The following DMD variants were observed in gnomAD, a reference collection of about 807,000 sequenced individuals.
DMD encodes the protein dystrophin, also known as mutant dystrophin.
A neutral mutation model predicts 330.1 loss-of-function variants in DMD; 63 were observed. The observed-to-expected ratio is 0.19, with a 90% CI of 0.16 to 0.24. DMD has a LOEUF of 0.24. Among genes scored for constraint, DMD ranks in the 10% least tolerant of loss-of-function variants. DMD has a pLI of 1.00. For synonymous variants in DMD, 1,223 were observed against 959.8 expected (o/e 1.27, Z -5.07); for missense variants, 3,344 against 2,684.1 (o/e 1.25, Z -5.43).
intron 29 of DMD, among the ~76,000 whole-genome samples, chrX:32,435,275 CATAT>C (rs57376337): frequency 0.028 from 2,228 of 79,611 alleles, 70 homozygotes; most frequent in African/African-American, 0.077. Context: ...TATATACTTA[CATAT>C]ATATATATAT....
At chrX:33,081,000 ACACACAC>A (rs2094921014) in intron 1 of DMD, among the ~76,000 whole-genome samples, 1 of 106,234 alleles carries the variant, frequency 9.4e-6, no homozygotes, top group African/African-American at 3.6e-5. Flanking sequence ...ACACACACAC[ACACACAC>A]AAAAACACAT....
chrX:32,265,698 C>A (rs1281100644), intron 43 of DMD, among the ~76,000 whole-genome samples: 1 of 112,569 alleles, frequency 8.9e-6, no homozygotes. Context: ...GACACAGAGT[C>A]AAAGGAGATT....
At chrX:31,246,361 T>C (rs1384689834) in intron 63 of DMD, among the ~76,000 whole-genome samples, 1 of 112,438 alleles carries the variant, frequency 8.9e-6, no homozygotes, top group African/African-American at 3.2e-5. Flanking sequence ...GCAGCAAGCA[T>C]TGATGCAGAA....
chrX:32,587,098 T>G (rs1262097900), intron 13 of DMD, among the ~76,000 whole-genome samples: 1 of 111,721 alleles, frequency 9.0e-6, no homozygotes, highest in African/African-American at 3.2e-5. Context: ...CTATAAAATT[T>G]TCTTTCTCAT....
intron 1 of DMD, among the ~76,000 whole-genome samples, chrX:33,108,529 G>T (rs1472542620): frequency 2.8e-5 from 3 of 105,791 alleles, no homozygotes; most frequent in Non-Finnish European, 5.8e-5. Context: ...GCCTGCCAAA[G>T]TGCTGGGATT....
intron 59 of DMD, among the ~76,000 whole-genome samples, chrX:31,467,074 T>C (rs2066907848): frequency 8.9e-6 from 1 of 112,072 alleles, no homozygotes. Flanking sequence ...GTTGAGACGA[T>C]GGGGTTTTCT....
At chrX:31,279,704 A>AT (rs2147873078) in intron 62 of DMD, among the ~76,000 whole-genome samples, 1 of 112,617 alleles carries the variant, frequency 8.9e-6, no homozygotes, top group East Asian at 2.8e-4. Context: ...CTACAGATGC[A>AT]TAAGCATGCC....
chrX:31,967,949 TA>T (rs2095366480), intron 45 of DMD, among the ~76,000 whole-genome samples: 1 of 111,833 alleles, frequency 8.9e-6, no homozygotes, highest in Admixed American at 9.5e-5. Context: ...GTCATATTCA[TA>T]GCTATTTTTA....
intron 1 of DMD, among the ~76,000 whole-genome samples, chrX:33,027,852 A>C (rs2147821418): frequency 8.9e-6 from 1 of 112,052 alleles, no homozygotes; most frequent in East Asian, 2.8e-4. Context: ...AACTCCAGAA[A>C]ATCAAAAGAG....
At chrX:32,545,090 C>A in intron 17 of DMD, 69 bp downstream of exon 17, 1 of 1,067,585 alleles carries the variant, frequency 9.4e-7, no homozygotes. Flanking sequence ...GTGAAAACAC[C>A]ACCAACAAAA....
intron 30 of DMD, among the ~76,000 whole-genome samples, chrX:32,411,276 G>A (rs749386198): frequency 3.6e-4 from 40 of 110,669 alleles, no homozygotes; most frequent in Non-Finnish European, 4.3e-4. Context: ...GATTACAGGC[G>A]CGTGCCAACA....
At chrX:32,349,216 T>A (rs931282638) in intron 37 of DMD, among the ~76,000 whole-genome samples, 1 of 111,569 alleles carries the variant, frequency 9.0e-6, no homozygotes, top group African/African-American at 3.2e-5. Context: ...ATCTCTTGAC[T>A]TTCTAAACAA....
intron 43 of DMD, 80 bp from the exon 44 acceptor site, chrX:32,217,143 G>A: frequency 9.9e-7 from 1 of 1,007,795 alleles, no homozygotes; most frequent in Non-Finnish European, 1.4e-6. Context: ...TATATTTTTT[G>A]GTTATACTGA....
chrX:33,336,205 G>A (rs1201872399), intron 1 of DMD, among the ~76,000 whole-genome samples: 3 of 107,234 alleles, frequency 2.8e-5, no homozygotes, highest in Non-Finnish European at 5.8e-5. Context: ...AAATATTGTC[G>A]TGGCTTTCTC....
intron 2 of DMD, among the ~76,000 whole-genome samples, chrX:33,017,326 G>A (rs1201294028): frequency 9.0e-6 from 1 of 111,257 alleles, no homozygotes; most frequent in Non-Finnish European, 1.9e-5. Context: ...ATATAAATGT[G>A]TGTATAAAAG....
In DMD at chrX:32,697,678, C is replaced by T. The variant is rs769415376; in HGVS notation, c.960+192G>A. On this transcript the variant is annotated intron_variant, in intron 9 of 78. Transcript: ENST00000357033. The stretch of plus-strand genomic sequence containing the variant: ...GGAATTCATATTTATGAAGAATCAA[C>T]GTATAGTAAACCTAGAGAAGACTCA... 2.7e-5 allele frequency among the ~76,000 whole-genome samples: 3 copies of T among 111,646 alleles called. No homozygotes were observed. In the East Asian group the frequency reaches 8.5e-4, roughly 31 times the overall value.
At chrX:32,459,433 ATCT>A (rs938597151) in intron 25 of DMD, among the ~76,000 whole-genome samples, 13 of 111,224 alleles carry the variant, frequency 1.2e-4, no homozygotes, top group African/African-American at 4.2e-4. Context: ...GCATGGGGAA[ATCT>A]TCTCAATAGG....
chrX:32,977,985 C>T (rs183217003), intron 2 of DMD, among the ~76,000 whole-genome samples: 31 of 111,495 alleles, frequency 2.8e-4, no homozygotes, highest in African/African-American at 9.4e-4. Context: ...AGAGGAAATA[C>T]CGAGCAAATA....
chrX:31,833,255 T>C (rs755456596), intron 49 of DMD, among the ~76,000 whole-genome samples: 3 of 95,629 alleles, frequency 3.1e-5, no homozygotes, highest in East Asian at 3.2e-4. Flanking sequence ...AGTATGTGTG[T>C]AGATGGGGGA....
Sources: allele counts gnomAD v4.1 joint callset (sites outside exome capture counted in the v4.1 genomes callset), GRCh38; gene constraint gnomAD v4.1.1; transcripts MANE v1.5; gene names NCBI Gene and HGNC (gene_info 2026-07-23, HGNC 2026-07-21).